PTPN21: variants seen among roughly 807,000 people sequenced by gnomAD.
PTPN21 encodes protein tyrosine phosphatase non-receptor type 21.
A neutral mutation model predicts 131.8 loss-of-function variants in PTPN21; 77 were observed. The observed-to-expected ratio is 0.58, with a 90% CI of 0.49 to 0.71. The LOEUF (loss-of-function observed/expected upper bound fraction) is 0.71. Among genes scored for constraint, PTPN21 ranks in the 30% least tolerant of loss-of-function variants. The pLI is 0.00. For missense variants in PTPN21, 1,552 were observed against 1,527.1 expected, an observed-to-expected ratio of 1.02 and a Z score of -0.27; for synonymous variants, 715 against 621.3, an observed-to-expected ratio of 1.15 and a Z score of -2.24.
intron 18 of PTPN21, among the ~76,000 whole-genome samples, chr14:88,468,712 C>G (rs1475887845): frequency 6.6e-6 from 1 of 152,132 alleles, no homozygotes; most frequent in Non-Finnish European, 1.5e-5. Flanking sequence ...CTTTATTTAT[C>G]GTATGACTTC....
At chr14:88,544,533 A>G (rs1371877831) in intron 2 of PTPN21, among the ~76,000 whole-genome samples, 1 of 152,218 alleles carries the variant, frequency 6.6e-6, no homozygotes, top group Non-Finnish European at 1.5e-5. Flanking sequence ...CCGAATCCTC[A>G]TAACCACTAT....
chr14:88,486,243 C>T (rs191485100), intron 10 of PTPN21, among the ~76,000 whole-genome samples: 479 of 152,262 alleles, frequency 3.1e-3, no homozygotes, highest in Non-Finnish European at 3.1e-3. Context: ...TTCTCCTATG[C>T]GCTGGGGGAG....
intron 10 of PTPN21, among the ~76,000 whole-genome samples, chr14:88,491,005 G>GA (rs2140116225): frequency 6.6e-6 from 1 of 152,294 alleles, no homozygotes; most frequent in African/African-American, 2.4e-5. Context: ...CTTAGAGTGA[G>GA]AGACAGTGGG....
chr14:88,475,546 C>G (rs1159544628), intron 13 of PTPN21, among the ~76,000 whole-genome samples: 1 of 152,146 alleles, frequency 6.6e-6, no homozygotes, highest in Non-Finnish European at 1.5e-5. Flanking sequence ...TATCCAGACA[C>G]AGGCATACAG....
intron 2 of PTPN21, among the ~76,000 whole-genome samples, chr14:88,541,236 T>C (rs902471589): frequency 6.6e-6 from 1 of 152,214 alleles, no homozygotes; most frequent in Non-Finnish European, 1.5e-5. Context: ...CTTCTAGTAA[T>C]GTTAGCATCT....
intron 18 of PTPN21, among the ~76,000 whole-genome samples, 194 bp from the exon 19 acceptor site, chr14:88,468,459 C>T (rs968696130): frequency 3.9e-5 from 6 of 152,126 alleles, no homozygotes; most frequent in Non-Finnish European, 7.4e-5. Flanking sequence ...ATAGAATGTC[C>T]ATGCAGACTA....
chr14:88,518,181 TCTGGGCAACAGAGTGAGC>T lies in PTPN21; in HGVS notation c.181-938_181-921del, dbSNP rs1262676048. On this transcript the variant is annotated intron_variant, in intron 2 of 18. Coordinates refer to ENST00000556564, the MANE Select transcript of PTPN21 (RefSeq NM_007039.4). Reference sequence around the variant, plus strand: ...TTCCTTCAGTTTTTGCTGTTGTTCTTCTGGGCAACAGAGTGAGCCTGGGCAACAGAGTGAGAATCTACC... The same window carrying T: ...TTCCTTCAGTTTTTGCTGTTGTTCTTCTGGGCAACAGAGTGAGAATCTACC... 4.3e-3 allele frequency among the ~76,000 whole-genome samples: 520 copies of T among 119,686 alleles called. 8 individuals are homozygous for T. Among genetic ancestry groups the T allele is most frequent in the African/African-American group, 0.016 (507 of 31,308 alleles). 78.5% of individuals were successfully genotyped at this position (119,686 alleles called of 152,430 possible). A position where few individuals can be genotyped will look rare whatever the true frequency, so the allele number is the denominator to read the frequency against.
chr14:88,529,366 T>C (rs951255436), intron 2 of PTPN21, among the ~76,000 whole-genome samples: 2 of 152,152 alleles, frequency 1.3e-5, no homozygotes, highest in African/African-American at 2.4e-5. Context: ...TAGATTCAAA[T>C]AGCTAGTATT....
rs1268725637 is a variant in PTPN21, at chr14:88,504,512, G to A, written c.517-17C>T. ...TAACCATCCCTGAAGAAAACACACA[G>A]TGGTAAGTATGTGACAATTCACCCC... On this transcript the variant is annotated splice_polypyrimidine_tract_variant and intron_variant, in intron 5 of 18. Transcript: ENST00000556564. 4 of 1,598,662 alleles carry A rather than the reference G, an allele frequency of 2.5e-6. No individual in the cohort carries two copies. Among genetic ancestry groups the A allele is most frequent in the Non-Finnish European group, 3.4e-6 (4 of 1,166,176 alleles).
chr14:88,487,305 T>C (rs569219928), intron 10 of PTPN21, among the ~76,000 whole-genome samples: 10 of 152,318 alleles, frequency 6.6e-5, no homozygotes, highest in East Asian at 1.9e-4. Context: ...CATGTACTTA[T>C]GTAACACATA....
intron 12 of PTPN21, among the ~76,000 whole-genome samples, chr14:88,482,484 C>T (rs2140103427): frequency 1.3e-5 from 2 of 152,070 alleles, no homozygotes; most frequent in Admixed American, 1.3e-4. Flanking sequence ...ATTAGCTGGG[C>T]GTGGTGGCGC....
chr14:88,505,579 G>C (rs991809645), intron 4 of PTPN21, among the ~76,000 whole-genome samples: 3 of 152,006 alleles, frequency 2.0e-5, no homozygotes, highest in Non-Finnish European at 4.4e-5. Context: ...AAATGCCTAT[G>C]AATTAAATAA....
At chr14:88,536,148 A>G (rs930790332) in intron 2 of PTPN21, among the ~76,000 whole-genome samples, 1 of 152,216 alleles carries the variant, frequency 6.6e-6, no homozygotes, top group Non-Finnish European at 1.5e-5. Context: ...TGAATCTTCT[A>G]GCATCCCCTA....
At chr14:88,468,685 A>C (rs1426321021) in intron 18 of PTPN21, among the ~76,000 whole-genome samples, 1 of 152,334 alleles carries the variant, frequency 6.6e-6, no homozygotes, top group African/African-American at 2.4e-5. Context: ...CTGGGCAAGT[A>C]AAACAAAATT....
chr14:88,508,613 A>G (rs2078133310), intron 3 of PTPN21, among the ~76,000 whole-genome samples: 1 of 152,218 alleles, frequency 6.6e-6, no homozygotes, highest in South Asian at 2.1e-4. Context: ...AACAGTCCCC[A>G]CAATTTCTTT....
intron 5 of PTPN21, 78 bp downstream of exon 5, chr14:88,505,226 G>T: frequency 1.7e-6 from 2 of 1,182,780 alleles, no homozygotes; most frequent in South Asian, 1.4e-5. Context: ...CTATCATACG[G>T]ATTTCATTTC....
At position 88,497,082 on chromosome 14, in the gene PTPN21, A is replaced by G. The variant is rs939379440; in HGVS notation, c.852+121T>C. The G allele has an allele frequency of 9.0e-6, 8 of 887,198 alleles. No individual in the cohort carries two copies. The African/African-American group carries it at 1.2e-4, about 13-fold the overall frequency. 55.0% of individuals were successfully genotyped at this position (887,198 alleles called of 1,614,324 possible). ...TATATGATAAAACTGCATGTTTTAT[A>G]CAATTACAAAATATTATCATTTTAA... On this transcript the variant is annotated intron_variant, in intron 9 of 18. Transcript: ENST00000556564.
At chr14:88,546,252 C>T (rs977721787) in intron 2 of PTPN21, among the ~76,000 whole-genome samples, 1 of 151,628 alleles carries the variant, frequency 6.6e-6, no homozygotes, top group African/African-American at 2.4e-5. Flanking sequence ...TACTATTGTG[C>T]GGCCCTTGTA....
rs575080712 is a variant in PTPN21 at position 88,492,072 on chromosome 14, G to A, written c.932+4341C>T. Among the ~76,000 whole-genome samples, 30 of 150,872 alleles carry A rather than the reference G, an allele frequency of 2.0e-4. No individual in the cohort carries two copies. In the South Asian group the frequency reaches 6.3e-3, roughly 32 times the overall value. Reference sequence around the variant, plus strand: ...AAAACAAACAAACAAACAAAAAACAGGCACTAACCACCAACCAATATGGAT... The same window carrying A: ...AAAACAAACAAACAAACAAAAAACAAGCACTAACCACCAACCAATATGGAT... On this transcript the variant is annotated intron_variant, in intron 10 of 18. Coordinates refer to ENST00000556564, the MANE Select transcript of PTPN21 (RefSeq NM_007039.4).
Sources: allele counts gnomAD v4.1 joint callset (sites outside exome capture counted in the v4.1 genomes callset), GRCh38; gene constraint gnomAD v4.1.1; transcripts MANE v1.5; gene names NCBI Gene and HGNC (gene_info 2026-07-23, HGNC 2026-07-21).